The following CLEC17A variants were observed in gnomAD, a reference collection of about 807,000 sequenced individuals.
CLEC17A encodes the protein C-type lectin domain containing 17A.
In CLEC17A, 37 loss-of-function variants were observed where a neutral mutation model predicts 61.3. That is an observed-to-expected ratio of 0.60 (90% CI 0.46 to 0.79). The LOEUF (loss-of-function observed/expected upper bound fraction) is 0.79. CLEC17A is among the 30% of genes least tolerant of loss of function. CLEC17A has a pLI of 0.00. For synonymous variants in CLEC17A, 168 were observed against 164.9 expected, an observed-to-expected ratio of 1.02 and a Z score of -0.14; for missense variants, 418 against 464.7, an observed-to-expected ratio of 0.90 and a Z score of 0.92.
chr19:14,583,003 G>C (rs878903449), upstream of CLEC17A: 1 of 668,576 alleles, frequency 1.5e-6, no homozygotes, highest in South Asian at 1.8e-5. Context: ...GTGTGAGCAC[G>C]TGTGAGGTCT....
chr19:14,585,061 C>T (rs1160735462), intron 2 of CLEC17A, among the ~76,000 whole-genome samples: 1 of 152,220 alleles, frequency 6.6e-6, no homozygotes, highest in Non-Finnish European at 1.5e-5. Flanking sequence ...TTAAAATCCC[C>T]TCCATCCCCT....
At chr19:14,582,611 A>G (rs893604433), upstream of CLEC17A, among the ~76,000 whole-genome samples, 1 of 149,992 alleles carries the variant, frequency 6.7e-6, no homozygotes, top group Non-Finnish European at 1.5e-5. Flanking sequence ...TAAAAAATTA[A>G]TTTATTTATT....
At chr19:14,590,870 T>A (rs2074395417) in intron 3 of CLEC17A, among the ~76,000 whole-genome samples, 1 of 150,772 alleles carries the variant, frequency 6.6e-6, no homozygotes, top group Non-Finnish European at 1.5e-5. Flanking sequence ...TAATTTTTTT[T>A]TTTTTTTTAC....
chr19:14,600,736 C>G (rs1033555633), intron 12 of CLEC17A, among the ~76,000 whole-genome samples: 1 of 151,216 alleles, frequency 6.6e-6, no homozygotes, highest in Non-Finnish European at 1.5e-5. Flanking sequence ...TGCCCACCAC[C>G]ACGCCCGGCT....
intron 12 of CLEC17A, among the ~76,000 whole-genome samples, chr19:14,604,440 T>G (rs1027262906): frequency 8.5e-5 from 13 of 152,268 alleles, no homozygotes; most frequent in Non-Finnish European, 1.8e-4. Context: ...CAGAAATATT[T>G]TCTTTTACAA....
At chr19:14,595,939 A>G (rs2074536143) in intron 8 of CLEC17A, among the ~76,000 whole-genome samples, 13 of 6,390 alleles carry the variant, frequency 2.0e-3, no homozygotes, top group East Asian at 7.6e-3. Flanking sequence ...TGGTGATGAT[A>G]GTAGAGGCAG....
chr19:14,595,635 AAGGAAGAGGATGGTTGGTGGT>A (rs2074524175), intron 8 of CLEC17A, among the ~76,000 whole-genome samples: 1 of 149,522 alleles, frequency 6.7e-6, no homozygotes, highest in South Asian at 2.1e-4. Flanking sequence ...AGATGATGGA[AAGGAAGAGGATGGTTGGTGGT>A]AGTAACGATG....
intron 2 of CLEC17A, among the ~76,000 whole-genome samples, chr19:14,587,411 G>C (rs185940003): frequency 2.0e-5 from 3 of 152,132 alleles, no homozygotes; most frequent in Non-Finnish European, 4.4e-5. Context: ...TGGTGTTAGC[G>C]GTAGCCATGC....
intron 13 of CLEC17A, among the ~76,000 whole-genome samples, chr19:14,607,919 G>A (rs938619259): frequency 1.3e-5 from 2 of 152,080 alleles, no homozygotes; most frequent in African/African-American, 2.4e-5. Context: ...CACCCAGGCT[G>A]GAGTGCAGTG....
chr19:14,606,380 A>AC (rs1274435024), intron 12 of CLEC17A, among the ~76,000 whole-genome samples: 4 of 151,578 alleles, frequency 2.6e-5, no homozygotes, highest in Non-Finnish European at 5.9e-5. Flanking sequence ...GTCTCAAAAA[A>AC]AAAAAAAAAA....
Position 14,611,287 on chromosome 19 carries a change from T to C in CLEC17A, c.*1091T>C, listed in dbSNP as rs1483756298. The C allele has an allele frequency of 6.6e-6, 1 of 151,956 alleles. No homozygotes were observed. The highest frequency in any genetic ancestry group is 1.5e-5 in the Non-Finnish European group (1 of 67,998). 9.4% of individuals were successfully genotyped at this position (151,956 alleles called of 1,614,324 possible). On this transcript the variant is annotated 3_prime_UTR_variant, in exon 14 of 14. Coordinates refer to ENST00000417570, the MANE Select transcript of CLEC17A (RefSeq NM_001204118.2). ...CAAAATTATTTTTGACCAGCAACTT[T>C]CTCAATGTCTTGGGTGAGGTTTGCA...
chr19:14,596,979 G>T lies in CLEC17A; in HGVS notation c.549G>T (p.Leu183=). Residue 183 remains leucine (L), a synonymous_variant, in exon 9 of 14, where the codon CTG becomes CTT. Transcript: ENST00000417570. ...LCLLVVTSLF[L]GCLGLTVTLI... is the part of the protein sequence containing the mutation. The stretch of plus-strand genomic sequence containing the variant: ...TGCTGGTGGTGACTTCCCTGTTCCT[G>T]GGCTGCCTTGGTCTCACTGTGACCC... 1 of 1,608,904 alleles carries T rather than the reference G, an allele frequency of 6.2e-7. No individual in the cohort carries two copies. The highest frequency in any genetic ancestry group is 2.2e-5 in the East Asian group (1 of 44,726).
Position 14,600,058 on chromosome 19 carries a change from G to C in CLEC17A, c.770G>C (p.Gly257Ala), listed in dbSNP as rs532904394. The C allele has an allele frequency of 2.5e-6, 4 of 1,614,016 alleles. No individual in the cohort carries two copies. Among genetic ancestry groups the C allele is most frequent in the East Asian group, 4.5e-5 (2 of 44,878 alleles). ...TGCCGCCGAATTACCTGTCCTGAAG[G>C]CTGGCTGCCCTTTGAGGGCAAGTGT... is the stretch of plus-strand genomic sequence containing the variant. Reference protein sequence around the residue: ...LDCRRITCPEGWLPFEGKCYY... With the variant: ...LDCRRITCPEAWLPFEGKCYY... The change falls in exon 12 of 14, where the codon GGC becomes GCC. Residue 257 changes from glycine to alanine, a missense_variant. By Grantham distance (60) the Gly-to-Ala change is moderately conservative (BLOSUM62 0). Transcript: ENST00000417570.
chr19:14,598,862 A>C (rs1365591842), intron 10 of CLEC17A, among the ~76,000 whole-genome samples: 2 of 152,076 alleles, frequency 1.3e-5, no homozygotes, highest in African/African-American at 4.8e-5. Flanking sequence ...CAGGAGGCTG[A>C]GGTGGGAGGA....
chr19:14,593,488 A>C (rs1270472276), intron 4 of CLEC17A, among the ~76,000 whole-genome samples: 1 of 151,774 alleles, frequency 6.6e-6, no homozygotes, highest in Non-Finnish European at 1.5e-5. Flanking sequence ...CTATATGAAA[A>C]CATTTTTTTT....
At chr19:14,609,837 CCAAAA>C (rs377095507) in intron 13 of CLEC17A, among the ~76,000 whole-genome samples, 8 of 140,518 alleles carry the variant, frequency 5.7e-5, no homozygotes, top group African/African-American at 1.1e-4. Flanking sequence ...GACTCTGTCT[CCAAAA>C]CAAAACAAAA....
chr19:14,594,054 G>A (rs917269284), intron 4 of CLEC17A, among the ~76,000 whole-genome samples: 1 of 152,048 alleles, frequency 6.6e-6, no homozygotes, highest in East Asian at 1.9e-4. Context: ...AGGCCAAGGC[G>A]GGTGGATCAC....
Position 14,599,732 on chromosome 19 carries a change from G to A in CLEC17A, c.662G>A (p.Gly221Glu), listed in dbSNP as rs767654277. ...TWRTNMTGMAGLAGLKHDIAR... is the reference protein window; with the variant it reads ...TWRTNMTGMAELAGLKHDIAR... ...CTTCTGACAGTGACTGGCATGGCAGGGCTAGCTGGCCTGAAGCATGACATT... is the reference window on the plus strand; with the variant it reads ...CTTCTGACAGTGACTGGCATGGCAGAGCTAGCTGGCCTGAAGCATGACATT... The change falls in exon 11 of 14, where the codon GGG becomes GAG. Residue 221 changes from glycine to glutamate, a missense_variant. Transcript: ENST00000417570. The A allele has an allele frequency of 1.9e-6, 3 of 1,613,758 alleles. No homozygotes were observed. Among genetic ancestry groups the A allele is most frequent in the Admixed American group, 1.7e-5 (1 of 59,986 alleles).
intron 13 of CLEC17A, among the ~76,000 whole-genome samples, chr19:14,608,634 T>G (rs905269721): frequency 8.1e-4 from 107 of 131,494 alleles, no homozygotes; most frequent in Non-Finnish European, 1.4e-3. Context: ...AAGAATTTTT[T>G]TTTTTTTTTT....
Sources: allele counts gnomAD v4.1 joint callset (sites outside exome capture counted in the v4.1 genomes callset), GRCh38; gene constraint gnomAD v4.1.1; transcripts MANE v1.5; gene names NCBI Gene and HGNC (gene_info 2026-07-23, HGNC 2026-07-21).